The following PLAAT2 variants were observed in gnomAD, a reference collection of about 807,000 sequenced individuals.
The protein encoded by PLAAT2 is HRAS like suppressor 2.
In PLAAT2, 12 loss-of-function variants were observed where a neutral mutation model predicts 12.8. That is an observed-to-expected ratio of 0.94 (90% CI 0.60 to 1.52). PLAAT2 has a LOEUF of 1.52. Among genes scored for constraint, PLAAT2 ranks in the 40% most tolerant of loss-of-function variants. The pLI is 0.00. For missense variants in PLAAT2, 166 were observed against 208.1 expected, an observed-to-expected ratio of 0.80 and a Z score of 1.24; for synonymous variants, 79 against 86.8, an observed-to-expected ratio of 0.91 and a Z score of 0.50.
chr11:63,560,911 G>T (rs1235478606), intron 1 of PLAAT2, among the ~76,000 whole-genome samples: 1 of 152,244 alleles, frequency 6.6e-6, no homozygotes, highest in African/African-American at 2.4e-5. Flanking sequence ...TGTGTTTGGA[G>T]TTGGTGGTAG....
upstream of PLAAT2, among the ~76,000 whole-genome samples, chr11:63,564,818 C>T (rs1408073046): frequency 1.3e-5 from 2 of 152,114 alleles, no homozygotes. Context: ...CTATGCCTGC[C>T]CTCCCCTTGC....
chr11:63,559,150 A>T (rs1374178858), intron 2 of PLAAT2, among the ~76,000 whole-genome samples: 3 of 152,160 alleles, frequency 2.0e-5, no homozygotes, highest in African/African-American at 7.2e-5. Flanking sequence ...ATAAAAATTA[A>T]AAAAGTAGCT....
In PLAAT2 at chr11:63,559,980, A is replaced by T. The variant is rs533739549; in HGVS notation, c.118+105T>A. On this transcript the variant is annotated intron_variant, in intron 2 of 3. Coordinates refer to ENST00000255695, the MANE Select transcript of PLAAT2 (RefSeq NM_017878.2). ...ACAATTCATTCAGCATTATGTATTG[A>T]GTGCCTACTCTGCTAGACCCTGAAG... The T allele has an allele frequency of 3.0e-5, 21 of 693,924 alleles. No individual in the cohort carries two copies. The African/African-American group carries it at 3.4e-4, about 11-fold the overall frequency. 43.0% of individuals were successfully genotyped at this position (693,924 alleles called of 1,614,324 possible).
At chr11:63,563,275 T>C (rs1301352969) in intron 1 of PLAAT2, 41 bp downstream of exon 1, 3 of 1,612,974 alleles carry the variant, frequency 1.9e-6, no homozygotes, top group South Asian at 2.2e-5. Context: ...AGGGTGGTTG[T>C]TCCTCAAATC....
At chr11:63,555,480 A>G (rs9943560) in intron 3 of PLAAT2, among the ~76,000 whole-genome samples, 3,354 of 152,280 alleles carry the variant, frequency 0.022, 137 homozygotes, top group African/African-American at 0.077. Context: ...TTAAGCCCAG[A>G]AGATTGAGAC....
chr11:63,564,327 C>T (rs2017545105), upstream of PLAAT2, among the ~76,000 whole-genome samples: 2 of 130,504 alleles, frequency 1.5e-5, no homozygotes, highest in Non-Finnish European at 3.1e-5. Flanking sequence ...AGTATCTCTT[C>T]TGTCATCTAC....
Position 63,553,068 on chromosome 11 carries a change from G to A in PLAAT2, c.388-3C>T. 1 of 1,605,204 alleles carries A rather than the reference G, an allele frequency of 6.2e-7. No homozygotes were observed. Among genetic ancestry groups the A allele is most frequent in the Non-Finnish European group, 8.5e-7 (1 of 1,172,984 alleles). ...ACTGTCGTGACTGCACCAGTGACCT[G>A]CAGCAGAAGAGAAGGGAGAGCACAC... On this transcript the variant is annotated splice_region_variant and splice_polypyrimidine_tract_variant and intron_variant, in intron 3 of 3. Transcript: ENST00000255695.
At chr11:63,558,290 C>A (rs2017485546) in intron 3 of PLAAT2, 102 bp downstream of exon 3, 1 of 1,313,708 alleles carries the variant, frequency 7.6e-7, no homozygotes. Flanking sequence ...TTGTCTTGCT[C>A]ATGTCTATTT....
chr11:63,561,580 G>C (rs2017518715), intron 1 of PLAAT2, among the ~76,000 whole-genome samples: 2 of 150,234 alleles, frequency 1.3e-5, no homozygotes, highest in Non-Finnish European at 3.0e-5. Context: ...GGGAGGCAGG[G>C]GTTGCAGTGA....
upstream of PLAAT2, among the ~76,000 whole-genome samples, chr11:63,563,691 C>T (rs3781605): frequency 0.18 from 24,558 of 138,858 alleles, 2,481 homozygotes; most frequent in East Asian, 0.3. Context: ...GCACTCTAGC[C>T]TGGGCGGCAG....
rs1249405853 is a variant in PLAAT2 at position 63,552,913 on chromosome 11, AAAT to A, written c.*48_*50del. 8.0e-7 allele frequency: 1 copy of A among 1,256,126 alleles called. No individual in the cohort carries two copies. The highest frequency in any genetic ancestry group is 1.7e-5 in the Admixed American group (1 of 58,730). 77.8% of individuals were successfully genotyped at this position (1,256,126 alleles called of 1,614,324 possible). On this transcript the variant is annotated 3_prime_UTR_variant, in exon 4 of 4. Transcript: ENST00000255695. The stretch of plus-strand genomic sequence containing the variant: ...AAACCAAACTCCACTCCTGCTGGCT[AAAT>A]AATATTCCTCCGTAAGAATTGGTGG...
In PLAAT2 at chr11:63,560,998, C is replaced by T. The variant is rs189871974; in HGVS notation, c.10-805G>A. Among the ~76,000 whole-genome samples the T allele has an allele frequency of 5.9e-5, 9 of 152,290 alleles. No homozygotes were observed. In the East Asian group the frequency reaches 1.7e-3, roughly 29 times the overall value. On this transcript the variant is annotated intron_variant, in intron 1 of 3. Coordinates refer to ENST00000255695, the MANE Select transcript of PLAAT2 (RefSeq NM_017878.2). ...CACCCAGAATGGGAGACAGCCCTTGCCACATAAATTCTGTTTCCGGTATGC... is the reference window on the plus strand; with the variant it reads ...CACCCAGAATGGGAGACAGCCCTTGTCACATAAATTCTGTTTCCGGTATGC...
chr11:63,553,752 C>T (rs1441800667), intron 3 of PLAAT2, among the ~76,000 whole-genome samples: 1 of 152,180 alleles, frequency 6.6e-6, no homozygotes, highest in Non-Finnish European at 1.5e-5. Context: ...TGACTGGGGC[C>T]CTTGAGGCAG....
chr11:63,555,070 A>G (rs1305998045), intron 3 of PLAAT2, among the ~76,000 whole-genome samples: 1 of 152,196 alleles, frequency 6.6e-6, no homozygotes, highest in Non-Finnish European at 1.5e-5. Context: ...GAAATATTAC[A>G]AAGGATTAGT....
At chr11:63,561,514 A>G (rs1423319171) in intron 1 of PLAAT2, among the ~76,000 whole-genome samples, 3 of 151,994 alleles carry the variant, frequency 2.0e-5, no homozygotes, top group Non-Finnish European at 2.9e-5. Flanking sequence ...GTATAGTGGC[A>G]GGTGCCTGTA....
chr11:63,562,273 CTCATTTTG>C (rs1218959531), intron 1 of PLAAT2, among the ~76,000 whole-genome samples: 4 of 152,234 alleles, frequency 2.6e-5, no homozygotes, highest in Non-Finnish European at 5.9e-5. Flanking sequence ...GAGACATGAT[CTCATTTTG>C]TCACCCAGGC....
upstream of PLAAT2, among the ~76,000 whole-genome samples, chr11:63,563,777 T>C (rs1318823806): frequency 6.6e-6 from 1 of 150,618 alleles, no homozygotes; most frequent in Non-Finnish European, 1.5e-5. Context: ...TTTCCCTGTC[T>C]TCAAACAGGG....
chr11:63,557,414 C>T (rs528243173), intron 3 of PLAAT2, among the ~76,000 whole-genome samples: 2 of 152,040 alleles, frequency 1.3e-5, no homozygotes, highest in African/African-American at 4.8e-5. Context: ...GTAGTCCCAG[C>T]CACTCAGGAG....
intron 3 of PLAAT2, 110 bp from the exon 4 acceptor site, chr11:63,553,175 T>C: frequency 1.5e-6 from 1 of 661,568 alleles, no homozygotes; most frequent in South Asian, 1.9e-5. Context: ...CCTCTTCATT[T>C]GAATCACAGA....
Sources: gnomAD v4.1 joint callset for allele counts (sites outside exome capture counted in the v4.1 genomes callset) on GRCh38, gnomAD v4.1.1 for gene constraint, MANE v1.5 for transcripts, NCBI Gene and HGNC (gene_info 2026-07-23, HGNC 2026-07-21) for gene names.